Variants in DNM3 observed in about 807,000 individuals in gnomAD.
DNM3 encodes the protein dynamin-3.
In DNM3, 47 loss-of-function variants were observed where a neutral mutation model predicts 101.6. That is an observed-to-expected ratio of 0.46 (90% CI 0.37 to 0.59). The LOEUF is 0.59. Ranked by LOEUF, DNM3 falls within the 20% of genes least tolerant of loss-of-function variation. The pLI, the probability that DNM3 is intolerant of heterozygous loss-of-function variation, is 0.00. For synonymous variants in DNM3, 385 were observed against 387.9 expected (o/e 0.99, Z 0.09); for missense variants, 849 against 1,085.7 (o/e 0.78, Z 3.06).
At chr1:172,050,594 G>A (rs961678103) in intron 10 of DNM3, among the ~76,000 whole-genome samples, 1 of 152,212 alleles carries the variant, frequency 6.6e-6, no homozygotes, top group Non-Finnish European at 1.5e-5. Context: ...TTGACTAGGT[G>A]TAGGCAAGGT....
In DNM3 at chr1:171,925,433, T is replaced by A. The variant is rs190863605; in HGVS notation, c.235+3612T>A. On this transcript the variant is annotated intron_variant, in intron 2 of 20. Coordinates refer to ENST00000627582, the MANE Select transcript of DNM3 (RefSeq NM_015569.5). The stretch of plus-strand genomic sequence containing the variant: ...TTTTAGTAGAGATGGGGTTTCATCA[T>A]GTTAGCCAGGATGGTCTCAATCTCC... 3.5e-3 allele frequency among the ~76,000 whole-genome samples: 526 copies of A among 152,138 alleles called. 1 individual carries two copies. The highest frequency in any genetic ancestry group is 0.012 in the African/African-American group (505 of 41,500).
At chr1:171,957,196 TTTC>T (rs1285216310) in intron 2 of DNM3, among the ~76,000 whole-genome samples, 5 of 143,406 alleles carry the variant, frequency 3.5e-5, no homozygotes, top group Non-Finnish European at 6.3e-5. Flanking sequence ...TCTTTCTTTC[TTTC>T]TTTTTTTTTT....
chr1:172,171,379 G>C (rs17361920), intron 14 of DNM3, among the ~76,000 whole-genome samples: 34,515 of 151,698 alleles, frequency 0.23, 4,917 homozygotes, highest in Middle Eastern at 0.33. Flanking sequence ...ATTGAATGCT[G>C]TATGATAAAA....
At chr1:172,299,511 G>T (rs935393011) in intron 15 of DNM3, among the ~76,000 whole-genome samples, 1 of 152,096 alleles carries the variant, frequency 6.6e-6, no homozygotes, top group Non-Finnish European at 1.5e-5. Flanking sequence ...TACCCAGTAG[G>T]TGGTTTTTCA....
intron 20 of DNM3, among the ~76,000 whole-genome samples, chr1:172,392,252 C>T (rs879450660): frequency 1.7e-4 from 26 of 152,192 alleles, no homozygotes; most frequent in Non-Finnish European, 2.4e-4. Flanking sequence ...GCATCTCTAT[C>T]CCAAAGAGAT....
In DNM3 at chr1:171,932,268, A is replaced by G. The variant is rs557398395; in HGVS notation, c.235+10447A>G. On this transcript the variant is annotated intron_variant, in intron 2 of 20. Transcript: ENST00000627582. ...GTGATCCTGCTGCCTCCACCTCCCAAATAGCTAGGACTACGGGCATGCACC... is the reference window on the plus strand; with the variant it reads ...GTGATCCTGCTGCCTCCACCTCCCAGATAGCTAGGACTACGGGCATGCACC... 9.9e-5 allele frequency among the ~76,000 whole-genome samples: 15 copies of G among 151,472 alleles called. No individual in the cohort carries two copies. The South Asian group carries it at 2.9e-3, about 30-fold the overall frequency.
chr1:172,320,515 C>T (rs2065658486), intron 16 of DNM3, among the ~76,000 whole-genome samples: 1 of 152,114 alleles, frequency 6.6e-6, no homozygotes, highest in Non-Finnish European at 1.5e-5. Flanking sequence ...TCATTCTCAG[C>T]AAACTAACAC....
At position 172,253,363 on chromosome 1, in the gene DNM3, C is replaced by T. The variant is rs569640037; in HGVS notation, c.1660-210C>T. 4.6e-5 allele frequency among the ~76,000 whole-genome samples: 7 copies of T among 152,086 alleles called. No homozygotes were observed. In the South Asian group the frequency reaches 1.5e-3, roughly 32 times the overall value. ...CTCCTATCTCTAATAACTTTTATTC[C>T]TTAATAGCTGGTATCAAAATGGCAT... On this transcript the variant is annotated intron_variant, in intron 14 of 20. Coordinates refer to ENST00000627582, the MANE Select transcript of DNM3 (RefSeq NM_015569.5).
chr1:171,935,769 C>CTTTTTTTTTTT (rs551030808), intron 2 of DNM3, among the ~76,000 whole-genome samples: 1 of 47,990 alleles, frequency 2.1e-5, no homozygotes, highest in Non-Finnish European at 3.9e-5. Context: ...CAAATCAAAA[C>CTTTTTTTTTTT]TTTTTTTTTT....
At chr1:172,142,497 A>G (rs1338305958) in intron 14 of DNM3, among the ~76,000 whole-genome samples, 3 of 152,020 alleles carry the variant, frequency 2.0e-5, no homozygotes, top group Non-Finnish European at 4.4e-5. Flanking sequence ...CATGTGCAGG[A>G]ACTCCTTGGT....
intron 15 of DNM3, among the ~76,000 whole-genome samples, chr1:172,262,183 CTT>C (rs2062683596): frequency 6.6e-6 from 1 of 152,090 alleles, no homozygotes; most frequent in African/African-American, 2.4e-5. Flanking sequence ...TCATTTGTGT[CTT>C]GGCTCCGCAG....
intron 17 of DNM3, among the ~76,000 whole-genome samples, chr1:172,357,532 T>C (rs752311311): frequency 1.3e-5 from 2 of 152,046 alleles, no homozygotes; most frequent in Non-Finnish European, 2.9e-5. Context: ...GTCAATACTG[T>C]ACAAAATTAT....
At chr1:172,248,079 C>CT (rs1328042805) in intron 14 of DNM3, among the ~76,000 whole-genome samples, 8 of 151,856 alleles carry the variant, frequency 5.3e-5, no homozygotes, top group South Asian at 2.1e-4. Flanking sequence ...AGAATCTATG[C>CT]TTTTTTTTGT....
At chr1:172,295,254 C>G (rs1055324731) in intron 15 of DNM3, among the ~76,000 whole-genome samples, 1 of 152,104 alleles carries the variant, frequency 6.6e-6, no homozygotes, top group South Asian at 2.1e-4. Flanking sequence ...AAGGCCAACT[C>G]AAAAAACGAA....
At chr1:171,914,850 G>A (rs368330245) in intron 1 of DNM3, among the ~76,000 whole-genome samples, 9 of 152,168 alleles carry the variant, frequency 5.9e-5, no homozygotes, top group African/African-American at 2.2e-4. Flanking sequence ...CACTGAAGGA[G>A]GCTCTGAGGG....
At chr1:171,969,903 GT>G (rs1229653000) in intron 2 of DNM3, among the ~76,000 whole-genome samples, 1 of 152,128 alleles carries the variant, frequency 6.6e-6, no homozygotes, top group Non-Finnish European at 1.5e-5. Context: ...AACAGTCAGG[GT>G]TGTTTGGAGT....
intron 15 of DNM3, among the ~76,000 whole-genome samples, chr1:172,292,578 G>A (rs1310123207): frequency 6.7e-6 from 1 of 148,626 alleles, no homozygotes; most frequent in Non-Finnish European, 1.5e-5. Flanking sequence ...TGGCTGAAGG[G>A]TTGGCTTAGA....
At chr1:172,347,715 T>C (rs923902282) in intron 17 of DNM3, among the ~76,000 whole-genome samples, 2 of 152,140 alleles carry the variant, frequency 1.3e-5, no homozygotes, top group African/African-American at 2.4e-5. Context: ...CTAATCAAAG[T>C]TCTAGAAGGA....
intron 14 of DNM3, among the ~76,000 whole-genome samples, chr1:172,237,050 C>G (rs73046978): frequency 0.028 from 4,280 of 152,204 alleles, 167 homozygotes; most frequent in African/African-American, 0.09. Context: ...CACAACTCAG[C>G]ATTTTACCAA....
Sources: allele counts gnomAD v4.1 joint callset (sites outside exome capture counted in the v4.1 genomes callset), GRCh38; gene constraint gnomAD v4.1.1; transcripts MANE v1.5; gene names NCBI Gene and HGNC (gene_info 2026-07-23, HGNC 2026-07-21).